Variants in RFX7 observed in about 807,000 individuals in gnomAD.
RFX7 encodes the protein DNA-binding protein RFX7.
Under a neutral mutation model 111.8 loss-of-function variants are expected in RFX7, and 26 were observed. That is an observed-to-expected ratio of 0.23 (90% CI 0.17 to 0.32). The LOEUF (loss-of-function observed/expected upper bound fraction) is 0.32, where lower values mean the gene tolerates loss of function less well. Ranked by LOEUF, RFX7 falls within the 10% of genes least tolerant of loss-of-function variation. The pLI is 1.00. For missense variants in RFX7, 1,573 were observed against 1,772.9 expected, an observed-to-expected ratio of 0.89 and a Z score of 2.02; for synonymous variants, 624 against 624.4, an observed-to-expected ratio of 1.00 and a Z score of 0.01.
At position 56,094,693 on chromosome 15, in the gene RFX7, C is replaced by A. The variant is rs2140511725; in HGVS notation, c.3035G>T (p.Ser1012Ile). The part of the protein sequence containing the change: ...IGTPHSNCSS[S>I]VPPSPVECRN... ...GCATTCAACAGGGCTGGGGGGGACA[C>A]TACTGCTGCAGTTAGAATGTGGAGT... Residue 1012 changes from serine (S) to isoleucine (I), a missense_variant, in exon 10 of 10, where the codon AGT becomes ATT. Physicochemically the swap from Ser to Ile is moderately radical, Grantham distance 142. This residue lies in a region of RFX7 where 625 missense variants were observed against 632.2 expected (regional missense o/e 0.99). Transcript: ENST00000559447. The A allele has an allele frequency of 6.2e-7, 1 of 1,613,934 alleles. No individual in the cohort carries two copies. The highest frequency in any genetic ancestry group is 2.2e-5 in the East Asian group (1 of 44,880).
intron 2 of RFX7, among the ~76,000 whole-genome samples, chr15:56,220,463 G>A (rs182673769): frequency 3.3e-5 from 5 of 151,818 alleles, no homozygotes; most frequent in East Asian, 3.9e-4. Context: ...AACTCCTGAC[G>A]TCAGGTGATC....
rs756501114 is a variant in RFX7 at position 56,103,542 on chromosome 15, G to A, written c.518+12C>T. ...ACAGAGATATTACTAACACCATTCT[G>A]GTAAAGGATATTTAGATTTGCCTCT... On this transcript the variant is annotated intron_variant, in intron 6 of 9. Transcript: ENST00000559447. 1 of 1,543,128 alleles carries A rather than the reference G, an allele frequency of 6.5e-7. No individual in the cohort carries two copies. The highest frequency in any genetic ancestry group is 1.2e-5 in the South Asian group (1 of 86,016).
intron 2 of RFX7, among the ~76,000 whole-genome samples, chr15:56,212,303 C>CA (rs1275095429): frequency 2.0e-5 from 3 of 151,984 alleles, no homozygotes; most frequent in Non-Finnish European, 4.4e-5. Flanking sequence ...AGGGAAAAAG[C>CA]AAAACTACAG....
At position 56,144,438 on chromosome 15, in the gene RFX7, G is replaced by C; in HGVS notation, c.241C>G (p.Leu81Val). 1 of 1,365,918 alleles carries C rather than the reference G, an allele frequency of 7.3e-7. No homozygotes were observed. The highest frequency in any genetic ancestry group is 1.1e-5 in the South Asian group (1 of 87,942). 84.6% of individuals were successfully genotyped at this position (1,365,918 alleles called of 1,614,324 possible). A position where few individuals can be genotyped will look rare whatever the true frequency, so the allele number is the denominator to read the frequency against. Residue 81 changes from leucine (L) to valine (V), a missense_variant, in exon 4 of 10, where the codon CTT (leucine) becomes GTT (valine). Physicochemically the swap from Leu to Val is conservative, Grantham distance 32. Coordinates refer to ENST00000559447, the MANE Select transcript of RFX7 (RefSeq NM_022841.7). ...FTDLEKLYLY[L>V]QLPSGLSNGE... Reference sequence around the variant, plus strand: ...TTGCTGAGACCAGAAGGCAGCTGAAGGTAGAGGTAGAGTTTCTCTAGGTCT... The same window carrying C: ...TTGCTGAGACCAGAAGGCAGCTGAACGTAGAGGTAGAGTTTCTCTAGGTCT...
At chr15:56,231,749 C>G (rs2043560321) in intron 2 of RFX7, among the ~76,000 whole-genome samples, 2 of 152,096 alleles carry the variant, frequency 1.3e-5, no homozygotes, top group Admixed American at 1.3e-4. Context: ...AAATCTTACC[C>G]AAGACAAGGC....
At chr15:56,155,293 T>C (rs1365589416) in intron 3 of RFX7, among the ~76,000 whole-genome samples, 1 of 152,094 alleles carries the variant, frequency 6.6e-6, no homozygotes, top group Admixed American at 6.6e-5. Flanking sequence ...TAAATCATTC[T>C]ACAATAAAGG....
intron 4 of RFX7, among the ~76,000 whole-genome samples, chr15:56,143,781 C>T (rs1386049499): frequency 6.6e-6 from 1 of 152,022 alleles, no homozygotes; most frequent in African/African-American, 2.4e-5. Flanking sequence ...TTTCTATATA[C>T]AGTTTTAAAA....
chr15:56,129,512 A>C (rs888580830), intron 5 of RFX7, among the ~76,000 whole-genome samples: 2 of 152,196 alleles, frequency 1.3e-5, no homozygotes, highest in Non-Finnish European at 2.9e-5. Context: ...CACAACTTAC[A>C]AATGGTATAG....
At position 56,098,372 on chromosome 15, in the gene RFX7, C is replaced by A; in HGVS notation, c.816G>T (p.Met272Ile). 1 of 1,586,702 alleles carries A rather than the reference C, an allele frequency of 6.3e-7. No homozygotes were observed. ...LTVMAAAPAG[M>I]KGITQPSAFI... The stretch of plus-strand genomic sequence containing the variant: ...AAGCAGAAGGCTGGGTAATTCCTTT[C>A]ATTCCTGAAAATAAACAGAAAGGAA... Residue 272 changes from methionine to isoleucine, a missense_variant, in exon 9 of 10, where the codon ATG becomes ATT. Physicochemically the swap from Met to Ile is conservative, Grantham distance 10. Coordinates refer to ENST00000559447, the MANE Select transcript of RFX7 (RefSeq NM_022841.7).
chr15:56,109,496 CCTGG>C (rs2041879972), intron 5 of RFX7, among the ~76,000 whole-genome samples: 1 of 152,112 alleles, frequency 6.6e-6, no homozygotes, highest in Admixed American at 6.5e-5. Context: ...AGCGTCTCTG[CCTGG>C]CCGCCCATCG....
chr15:56,224,229 A>G (rs1268683736), intron 2 of RFX7, among the ~76,000 whole-genome samples: 2 of 152,152 alleles, frequency 1.3e-5, no homozygotes, highest in Non-Finnish European at 2.9e-5. Context: ...AAAGGAGGAT[A>G]GAGAAGATAA....
chr15:56,150,153 C>A (rs2042548679), intron 3 of RFX7, among the ~76,000 whole-genome samples: 1 of 152,194 alleles, frequency 6.6e-6, no homozygotes, highest in African/African-American at 2.4e-5. Flanking sequence ...CTCAGCAAGG[C>A]TGCGGTGGCC....
intron 2 of RFX7, among the ~76,000 whole-genome samples, chr15:56,226,198 TTAGAC>T (rs2043481842): frequency 6.6e-6 from 1 of 152,116 alleles, no homozygotes; most frequent in Non-Finnish European, 1.5e-5. Flanking sequence ...TCTTGTGTCT[TTAGAC>T]TAGATAAAAA....
intron 5 of RFX7, among the ~76,000 whole-genome samples, chr15:56,128,724 AG>A (rs573556240): frequency 1.9e-4 from 29 of 152,196 alleles, no homozygotes; most frequent in Non-Finnish European, 3.7e-4. Flanking sequence ...CAATCAGGCA[AG>A]AAAATAAATG....
intron 3 of RFX7, among the ~76,000 whole-genome samples, chr15:56,164,447 T>C (rs1595980456): frequency 6.6e-6 from 1 of 152,216 alleles, no homozygotes; most frequent in Non-Finnish European, 1.5e-5. Flanking sequence ...CACTTAGATA[T>C]GGAGCAAGCC....
rs1017111265 is a variant in RFX7, at chr15:56,093,695, C to A, written c.4033G>T (p.Asp1345Tyr). The A allele has an allele frequency of 1.2e-6, 2 of 1,613,776 alleles. No homozygotes were observed. The highest frequency in any genetic ancestry group is 1.7e-6 in the Non-Finnish European group (2 of 1,179,726). Residue 1345 changes from aspartate to tyrosine, a missense_variant, in exon 10 of 10, where the codon GAT (aspartate) becomes TAT (tyrosine). By Grantham distance (160) the Asp-to-Tyr change is radical. Transcript: ENST00000559447. Reference sequence around the variant, plus strand: ...AGGTCTTTAACAGTGCTATTGAAATCTAATTGTTGCTCTCCAATTTCTGAT... The same window carrying A: ...AGGTCTTTAACAGTGCTATTGAAATATAATTGTTGCTCTCCAATTTCTGAT... ...AQSEIGEQQL[D>Y]FNSTVKDLLS...
chr15:56,238,337 T>A (rs749536979), intron 2 of RFX7, among the ~76,000 whole-genome samples: 2 of 152,180 alleles, frequency 1.3e-5, no homozygotes, highest in African/African-American at 2.4e-5. Flanking sequence ...ACAAAATTGT[T>A]CAATTTGGGT....
chr15:56,175,373 A>G (rs940890150), intron 3 of RFX7, among the ~76,000 whole-genome samples: 1 of 152,198 alleles, frequency 6.6e-6, no homozygotes, highest in Non-Finnish European at 1.5e-5. Context: ...AATTTGATGT[A>G]ATCCCAATAA....
rs544258393 is a variant in RFX7, at chr15:56,093,997, G to C, written c.3731C>G (p.Ala1244Gly). ...AACATTGGTTATTTTTTTACTGTTT[G>C]CTTGCTTCTGAAGAGCGTTTGGGAA... ...TAFPNALQKQ[A>G]NSKKITNVLL... Residue 1244 changes from alanine (A) to glycine (G), a missense_variant, in exon 10 of 10, where the codon GCA (alanine) becomes GGA (glycine). By Grantham distance (60) the Ala-to-Gly change is moderately conservative (BLOSUM62 0). Transcript: ENST00000559447. 3 of 1,613,814 alleles carry C rather than the reference G, an allele frequency of 1.9e-6. No homozygotes were observed. In the East Asian group the frequency reaches 6.7e-5, roughly 36 times the overall value.
Sources: allele counts gnomAD v4.1 joint callset (sites outside exome capture counted in the v4.1 genomes callset), GRCh38; gene constraint gnomAD v4.1.1; regional missense constraint gnomAD v4.1.1; transcripts MANE v1.5; gene names NCBI Gene and HGNC (gene_info 2026-07-23, HGNC 2026-07-21).